Variants in MAP2K5 observed in about 807,000 individuals in gnomAD.
MAP2K5 encodes dual specificity mitogen-activated protein kinase kinase 5.
In MAP2K5, 49 loss-of-function variants were observed where a neutral mutation model predicts 83.1. That is an observed-to-expected ratio of 0.59 (90% CI 0.47 to 0.75). The LOEUF (loss-of-function observed/expected upper bound fraction) is 0.75. MAP2K5 is among the 30% of genes least tolerant of loss of function. The pLI is 0.00. For missense variants in MAP2K5, 457 were observed against 557.5 expected (o/e 0.82, Z 1.82); for synonymous variants, 202 against 191.8 (o/e 1.05, Z -0.44).
chr15:67,709,666 C>T (rs915072760), intron 16 of MAP2K5, among the ~76,000 whole-genome samples: 1 of 152,180 alleles, frequency 6.6e-6, no homozygotes, highest in Non-Finnish European at 1.5e-5. Flanking sequence ...AAGTCCCACT[C>T]TCATTTTTTA....
intron 16 of MAP2K5, among the ~76,000 whole-genome samples, chr15:67,706,938 C>T (rs1298653929): frequency 3.9e-5 from 6 of 152,066 alleles, no homozygotes; most frequent in African/African-American, 1.4e-4. Flanking sequence ...CTTTTTGAGA[C>T]GGAGTCTTGC....
At position 67,774,318 on chromosome 15, in the gene MAP2K5, G is replaced by A. The variant is rs185976724; in HGVS notation, c.1242+1566G>A. 6.6e-5 allele frequency among the ~76,000 whole-genome samples: 10 copies of A among 152,204 alleles called. No individual in the cohort carries two copies. ...TCAATAAAATACAATGAAAAATGTT[G>A]TCACAGGAAGCACCATTCCATACTT... On this transcript the variant is annotated intron_variant, in intron 21 of 21. Coordinates refer to ENST00000178640, the MANE Select transcript of MAP2K5 (RefSeq NM_145160.3). This position sits in a 1 kb window ranked among gnomAD's most constrained non-coding sequence, Gnocchi z 4.9.
rs574840706 is a variant in MAP2K5, at chr15:67,558,447, A to G, written c.185-4836A>G. Among the ~76,000 whole-genome samples, 3 of 152,238 alleles carry G rather than the reference A, an allele frequency of 2.0e-5. No homozygotes were observed. In the East Asian group the frequency reaches 5.8e-4, roughly 29 times the overall value. On this transcript the variant is annotated intron_variant, in intron 2 of 21. Coordinates refer to ENST00000178640, the MANE Select transcript of MAP2K5 (RefSeq NM_145160.3). ...GCCTCCAAACTGGTCTCCCTGTTCT[A>G]CTTTTGCCTCTATACAGCCTCTTTT...
At position 67,565,175 on chromosome 15, in the gene MAP2K5, C is replaced by T. The variant is rs1160557486; in HGVS notation, c.252+1825C>T. On this transcript the variant is annotated intron_variant, in intron 3 of 21. Coordinates refer to ENST00000178640, the MANE Select transcript of MAP2K5 (RefSeq NM_145160.3). The surrounding 1 kb of genome is among the most constrained non-coding windows in gnomAD (Gnocchi z 4.1). ...AAGCTGTTGCTCATTTACTGTTTTACACTGTCTCTCCCCCACCTTCCTCTT... is the reference window on the plus strand; with the variant it reads ...AAGCTGTTGCTCATTTACTGTTTTATACTGTCTCTCCCCCACCTTCCTCTT... Among the ~76,000 whole-genome samples the T allele has an allele frequency of 6.6e-6, 1 of 152,230 alleles. No individual in the cohort carries two copies.
intron 13 of MAP2K5, among the ~76,000 whole-genome samples, chr15:67,683,086 C>T (rs189873547): frequency 1.8e-4 from 27 of 150,188 alleles, no homozygotes; most frequent in African/African-American, 5.6e-4. Flanking sequence ...GGTTGCAGTG[C>T]GCTGAGATTG....
At position 67,565,957 on chromosome 15, in the gene MAP2K5, A is replaced by G. The variant is rs774355621; in HGVS notation, c.252+2607A>G. 6.6e-6 allele frequency among the ~76,000 whole-genome samples: 1 copy of G among 152,116 alleles called. No homozygotes were observed. ...GTCTTGGTTCTTATGATTGAAATTT[A>G]AGGAGAACCATTTGGACGTAACCTT... On this transcript the variant is annotated intron_variant, in intron 3 of 21. Coordinates refer to ENST00000178640, the MANE Select transcript of MAP2K5 (RefSeq NM_145160.3). This position sits in a 1 kb window ranked among gnomAD's most constrained non-coding sequence, Gnocchi z 4.1.
chr15:67,617,778 A>G (rs1453110212), intron 8 of MAP2K5, among the ~76,000 whole-genome samples: 2 of 151,978 alleles, frequency 1.3e-5, no homozygotes, highest in African/African-American at 4.8e-5. Context: ...TGTAGCATCA[A>G]CCTCCCAGGC....
Position 67,779,281 on chromosome 15 carries a change from TA to T in MAP2K5, c.1242+6532del, listed in dbSNP as rs1349577342. 6.6e-6 allele frequency among the ~76,000 whole-genome samples: 1 copy of T among 152,234 alleles called. No individual in the cohort carries two copies. Among genetic ancestry groups the T allele is most frequent in the Non-Finnish European group, 1.5e-5 (1 of 68,052 alleles). On this transcript the variant is annotated intron_variant, in intron 21 of 21. Coordinates refer to ENST00000178640, the MANE Select transcript of MAP2K5 (RefSeq NM_145160.3). The surrounding 1 kb of genome is among the most constrained non-coding windows in gnomAD (Gnocchi z 4.6). ...CTGCTTATAAAGAGGAACCCACTAGTAAAGAAGTTGATTTTAGCTTTTTAAT... is the reference window on the plus strand; with the variant it reads ...CTGCTTATAAAGAGGAACCCACTAGTAAGAAGTTGATTTTAGCTTTTTAAT...
rs968883131 is a variant in MAP2K5, at chr15:67,555,394, C to T, written c.184+5312C>T. Among the ~76,000 whole-genome samples, 21 of 152,140 alleles carry T rather than the reference C, an allele frequency of 1.4e-4. No homozygotes were observed. Among genetic ancestry groups the T allele is most frequent in the African/African-American group, 4.6e-4 (19 of 41,408 alleles). ...TGAGTCATTCATGGGGGATCCACCCCCACGACAAAAACACCTCCTTCCAGG... is the reference window on the plus strand; with the variant it reads ...TGAGTCATTCATGGGGGATCCACCCTCACGACAAAAACACCTCCTTCCAGG... On this transcript the variant is annotated intron_variant, in intron 2 of 21. Coordinates refer to ENST00000178640, the MANE Select transcript of MAP2K5 (RefSeq NM_145160.3). The surrounding 1 kb of genome is among the most constrained non-coding windows in gnomAD (Gnocchi z 5.2).
intron 16 of MAP2K5, chr15:67,718,212 C>T (rs2088871292): frequency 1.3e-5 from 2 of 151,980 alleles, no homozygotes. Flanking sequence ...TAGACTAGAC[C>T]CCAGCCCTGA....
chr15:67,788,453 A>T (rs529948732), intron 21 of MAP2K5, among the ~76,000 whole-genome samples: 1 of 152,328 alleles, frequency 6.6e-6, no homozygotes, highest in South Asian at 2.1e-4. Context: ...TTGAAGGTAG[A>T]TGGGTAAGAG....
intron 14 of MAP2K5, among the ~76,000 whole-genome samples, chr15:67,692,889 C>T (rs943488213): frequency 2.0e-5 from 3 of 152,062 alleles, no homozygotes; most frequent in African/African-American, 7.2e-5. Context: ...CCCAACTGGC[C>T]CACAATAAAA....
intron 9 of MAP2K5, among the ~76,000 whole-genome samples, chr15:67,645,718 AT>A (rs779547659): frequency 1.7e-3 from 248 of 141,886 alleles, no homozygotes; most frequent in Middle Eastern, 0.011. Context: ...CACACAGGTA[AT>A]TTTTTTTTTT....
chr15:67,712,035 A>G (rs1459919545), intron 16 of MAP2K5, among the ~76,000 whole-genome samples: 1 of 152,240 alleles, frequency 6.6e-6, no homozygotes, highest in Non-Finnish European at 1.5e-5. Context: ...CACTCAATCT[A>G]ACAAAACTGA....
rs1274398479 is a variant in MAP2K5 at position 67,748,415 on chromosome 15, A to G, written c.1102-154A>G. 6.0e-6 allele frequency: 5 copies of G among 831,512 alleles called. No individual in the cohort carries two copies. The highest frequency in any genetic ancestry group is 9.7e-6 in the Non-Finnish European group (5 of 515,350). 51.5% of individuals were successfully genotyped at this position (831,512 alleles called of 1,614,324 possible). On this transcript the variant is annotated intron_variant, in intron 18 of 21. Coordinates refer to ENST00000178640, the MANE Select transcript of MAP2K5 (RefSeq NM_145160.3). This position sits in a 1 kb window ranked among gnomAD's most constrained non-coding sequence, Gnocchi z 4.0. ...ATTAGATTAGGTACCATTAGAAATA[A>G]TAGAACCTCCTGAGCATCAATGTTT...
At position 67,717,834 on chromosome 15, in the gene MAP2K5, G is replaced by A. The variant is rs896264317; in HGVS notation, c.1045-10082G>A. Among the ~76,000 whole-genome samples, 2 of 152,178 alleles carry A rather than the reference G, an allele frequency of 1.3e-5. No homozygotes were observed. Among genetic ancestry groups the A allele is most frequent in the African/African-American group, 4.8e-5 (2 of 41,438 alleles). On this transcript the variant is annotated intron_variant, in intron 16 of 21. Transcript: ENST00000178640. This position sits in a 1 kb window ranked among gnomAD's most constrained non-coding sequence, Gnocchi z 4.1. ...TCCTTTGTGGTGCCTGGTGTTCTAA[G>A]CTGTGATTGCAAAAGCTACAGATCT...
intron 13 of MAP2K5, chr15:67,670,272 C>A: frequency 2.8e-6 from 1 of 360,800 alleles, no homozygotes; most frequent in South Asian, 2.1e-5. Flanking sequence ...TACAATTTTC[C>A]ATCCTATGGG....
chr15:67,556,405 ATTC>A (rs1401349762), intron 2 of MAP2K5, among the ~76,000 whole-genome samples: 1 of 152,240 alleles, frequency 6.6e-6, no homozygotes, highest in East Asian at 1.9e-4. Context: ...ATTCATTGAT[ATTC>A]TTTTTTCCTT....
At chr15:67,711,451 C>G (rs1387095832) in intron 16 of MAP2K5, among the ~76,000 whole-genome samples, 2 of 152,186 alleles carry the variant, frequency 1.3e-5, no homozygotes, top group Non-Finnish European at 2.9e-5. Context: ...GTTTCCTCCT[C>G]TTTAGATGGG....
Sources: allele counts gnomAD v4.1 joint callset (sites outside exome capture counted in the v4.1 genomes callset), GRCh38; gene constraint gnomAD v4.1.1; non-coding constraint Gnocchi (gnomAD v3.1); transcripts MANE v1.5; gene names NCBI Gene and HGNC (gene_info 2026-07-23, HGNC 2026-07-21).